Variants in EIF4EBP1 observed in about 807,000 individuals in gnomAD.
The protein encoded by EIF4EBP1 is eukaryotic translation initiation factor 4E-binding protein 1.
EIF4EBP1 carries 5 observed loss-of-function variants against 9.2 expected under a neutral mutation model. The observed-to-expected ratio is 0.54, with a 90% CI of 0.28 to 1.14. The LOEUF (loss-of-function observed/expected upper bound fraction) is 1.14, where lower values mean the gene tolerates loss of function less well. Ranked by LOEUF, EIF4EBP1 falls within the 50% of genes most tolerant of loss-of-function variation. The pLI is 0.09. For synonymous variants in EIF4EBP1, 62 were observed against 67.0 expected (o/e 0.93, Z 0.36); for missense variants, 139 against 169.6 (o/e 0.82, Z 1.00).
At chr8:38,034,779 G>A (rs997608875) in intron 1 of EIF4EBP1, among the ~76,000 whole-genome samples, 1 of 152,224 alleles carries the variant, frequency 6.6e-6, no homozygotes, top group Non-Finnish European at 1.5e-5. Flanking sequence ...ACATGAAACA[G>A]GCAGTGCTGG....
intron 1 of EIF4EBP1, 46 bp from the exon 2 acceptor site, chr8:38,057,035 G>C: frequency 6.3e-7 from 1 of 1,591,044 alleles, no homozygotes; most frequent in Non-Finnish European, 8.6e-7. Flanking sequence ...AAACCGGCAG[G>C]CAAGAGGCTG....
At chr8:38,045,921 T>C (rs980156761) in intron 1 of EIF4EBP1, among the ~76,000 whole-genome samples, 4 of 151,948 alleles carry the variant, frequency 2.6e-5, no homozygotes, top group African/African-American at 9.7e-5. Context: ...TTTTTGTTTG[T>C]TTGAGACAGA....
intron 1 of EIF4EBP1, among the ~76,000 whole-genome samples, chr8:38,047,770 C>G (rs1041732706): frequency 1.3e-5 from 2 of 152,208 alleles, no homozygotes; most frequent in South Asian, 2.1e-4. Context: ...CAGGCATGAG[C>G]CACTGCGCCC....
intron 1 of EIF4EBP1, among the ~76,000 whole-genome samples, chr8:38,036,354 CA>C (rs939613819): frequency 6.6e-6 from 1 of 150,494 alleles, no homozygotes; most frequent in Admixed American, 6.6e-5. Context: ...AATAAAAATA[CA>C]AAAAAAAATT....
intron 1 of EIF4EBP1, among the ~76,000 whole-genome samples, chr8:38,031,829 C>T (rs980808430): frequency 1.3e-5 from 2 of 152,226 alleles, no homozygotes; most frequent in Non-Finnish European, 2.9e-5. Context: ...CATTGAGGCC[C>T]CAGAGCTTGA....
At chr8:38,053,366 C>A in intron 1 of EIF4EBP1, among the ~76,000 whole-genome samples, 1 of 152,100 alleles carries the variant, frequency 6.6e-6, no homozygotes, top group East Asian at 1.9e-4. Context: ...TTCTGTCGCC[C>A]AGGCTGGAGG....
At chr8:38,054,999 G>T (rs891471829) in intron 1 of EIF4EBP1, among the ~76,000 whole-genome samples, 1 of 152,126 alleles carries the variant, frequency 6.6e-6, no homozygotes, top group Non-Finnish European at 1.5e-5. Flanking sequence ...ACAGCTGTGC[G>T]CTGGAGTCCC....
chr8:38,044,024 C>T (rs1360950036), intron 1 of EIF4EBP1, among the ~76,000 whole-genome samples: 1 of 152,068 alleles, frequency 6.6e-6, no homozygotes, highest in Non-Finnish European at 1.5e-5. Flanking sequence ...AGGGAGCTGC[C>T]TCAGAGCTGG....
chr8:38,047,938 A>G (rs1585527741), intron 1 of EIF4EBP1, among the ~76,000 whole-genome samples: 1 of 152,154 alleles, frequency 6.6e-6, no homozygotes, highest in South Asian at 2.1e-4. Flanking sequence ...CAGGAGGCTG[A>G]GGCGGGAGGA....
rs1018906782 is a variant in EIF4EBP1 at position 38,046,020 on chromosome 8, A to G, written c.146-11061A>G. 2.6e-5 allele frequency among the ~76,000 whole-genome samples: 4 copies of G among 152,244 alleles called. No homozygotes were observed. The East Asian group carries it at 7.7e-4, about 29-fold the overall frequency. On this transcript the variant is annotated intron_variant, in intron 1 of 2. Coordinates refer to ENST00000338825, the MANE Select transcript of EIF4EBP1 (RefSeq NM_004095.4). ...TGGGTTCAAGCAATCCTCCTGCCTC[A>G]GCCTCCCAAGTAGCTGGGATTACAG...
intron 1 of EIF4EBP1, among the ~76,000 whole-genome samples, chr8:38,055,859 G>T (rs934255132): frequency 2.6e-5 from 4 of 152,040 alleles, no homozygotes; most frequent in African/African-American, 9.7e-5. Flanking sequence ...AGCTGGGCAT[G>T]GTGGCACGCA....
chr8:38,058,269 G>A (rs868723138), intron 2 of EIF4EBP1, among the ~76,000 whole-genome samples: 4 of 152,294 alleles, frequency 2.6e-5, no homozygotes, highest in Non-Finnish European at 2.9e-5. Context: ...CATGGTGCCC[G>A]CATCTGCTGG....
intron 1 of EIF4EBP1, among the ~76,000 whole-genome samples, chr8:38,054,819 T>G (rs1475235396): frequency 2.0e-5 from 3 of 152,194 alleles, no homozygotes; most frequent in Non-Finnish European, 4.4e-5. Flanking sequence ...CCATTTGTAA[T>G]CTGGGCTCAT....
rs533752252 is a variant in EIF4EBP1, at chr8:38,040,531, G to A, written c.145+9813G>A. The stretch of plus-strand genomic sequence containing the variant: ...TTTGTTATTGTTCTCCATCTTTTGG[G>A]TTCGTTGGGTTCTTTGTAGATCTTG... On this transcript the variant is annotated intron_variant, in intron 1 of 2. Coordinates refer to ENST00000338825, the MANE Select transcript of EIF4EBP1 (RefSeq NM_004095.4). 2.6e-4 allele frequency among the ~76,000 whole-genome samples: 40 copies of A among 152,304 alleles called. No individual in the cohort carries two copies. In the South Asian group the frequency reaches 8.1e-3, roughly 31 times the overall value.
At chr8:38,055,183 C>T (rs1442082753) in intron 1 of EIF4EBP1, among the ~76,000 whole-genome samples, 2 of 152,104 alleles carry the variant, frequency 1.3e-5, no homozygotes, top group African/African-American at 2.4e-5. Flanking sequence ...CAGCATCTCA[C>T]GTCATCCTCA....
At chr8:38,056,159 A>G (rs1412128857) in intron 1 of EIF4EBP1, among the ~76,000 whole-genome samples, 1 of 151,772 alleles carries the variant, frequency 6.6e-6, no homozygotes, top group Non-Finnish European at 1.5e-5. Flanking sequence ...TGCCCGACTC[A>G]TTTTAACATT....
intron 2 of EIF4EBP1, 32 bp from the exon 3 acceptor site, chr8:38,059,872 T>C (rs766850383): frequency 6.7e-7 from 1 of 1,491,676 alleles, no homozygotes; most frequent in Non-Finnish European, 9.0e-7. Context: ...TCACCCATTG[T>C]TGACCTGGCC....
intron 1 of EIF4EBP1, among the ~76,000 whole-genome samples, chr8:38,047,624 A>C (rs1296908454): frequency 6.6e-6 from 1 of 152,048 alleles, no homozygotes; most frequent in Non-Finnish European, 1.5e-5. Flanking sequence ...AGCTGGGATT[A>C]CAGGCACATG....
intron 1 of EIF4EBP1, among the ~76,000 whole-genome samples, chr8:38,045,467 G>A (rs748139289): frequency 1.3e-4 from 20 of 151,974 alleles, no homozygotes; most frequent in Non-Finnish European, 2.6e-4. Context: ...AACTTTGGGA[G>A]GCCGAGGTGG....
Sources: allele counts gnomAD v4.1 joint callset (sites outside exome capture counted in the v4.1 genomes callset), GRCh38; gene constraint gnomAD v4.1.1; transcripts MANE v1.5; gene names NCBI Gene and HGNC (gene_info 2026-07-23, HGNC 2026-07-21).